The following BRPF1 variants were observed in gnomAD, a reference collection of about 807,000 sequenced individuals.
BRPF1 encodes peregrin.
BRPF1 carries 15 observed loss-of-function variants against 115.0 expected under a neutral mutation model. That is an observed-to-expected ratio of 0.13 (90% CI 0.09 to 0.20). BRPF1 has a LOEUF of 0.20. Among genes scored for constraint, BRPF1 ranks in the 10% least tolerant of loss-of-function variants. The pLI is 1.00. For missense variants in BRPF1, 1,118 were observed against 1,638.3 expected, an observed-to-expected ratio of 0.68 and a Z score of 5.48; for synonymous variants, 647 against 619.8, an observed-to-expected ratio of 1.04 and a Z score of -0.65.
intron 6 of BRPF1, 48 bp from the exon 7 acceptor site, chr3:9,742,896 A>G (rs1473837890): frequency 1.3e-6 from 2 of 1,579,032 alleles, no homozygotes; most frequent in Non-Finnish European, 1.7e-6. Context: ...GGTTCGGGGC[A>G]ATAAGGAGGA....
chr3:9,737,731 C>T (rs991958010), intron 2 of BRPF1, among the ~76,000 whole-genome samples: 4 of 152,178 alleles, frequency 2.6e-5, no homozygotes, highest in African/African-American at 9.6e-5. Flanking sequence ...TCACACATGA[C>T]TTAGTGGTTA....
rs746128203 is a variant in BRPF1, at chr3:9,739,446, C to T, written c.1047C>T (p.Ala349=). 5 of 1,613,996 alleles carry T rather than the reference C, an allele frequency of 3.1e-6. No individual in the cohort carries two copies. Among genetic ancestry groups the T allele is most frequent in the Non-Finnish European group, 4.2e-6 (5 of 1,180,006 alleles). ...AFKQTDDGRW[A]HVVCALWIPE... is the part of the protein sequence containing the mutation. ...AGCAGACAGATGACGGGCGCTGGGC[C>T]CATGTGGTGTGTGCCTTGTGGATCC... The change falls in exon 3 of 14, where the codon GCC becomes GCT. Residue 349 remains alanine (A), a synonymous_variant. Coordinates refer to ENST00000383829, the MANE Select transcript of BRPF1 (RefSeq NM_001003694.2).
Position 9,743,822 on chromosome 3 carries a change from A to T in BRPF1, c.2556A>T (p.Thr852=). The T allele has an allele frequency of 6.2e-7, 1 of 1,609,156 alleles. No homozygotes were observed. The highest frequency in any genetic ancestry group is 8.5e-7 in the Non-Finnish European group (1 of 1,175,994). The change falls in exon 8 of 14, where the codon ACA becomes ACT. Residue 852 remains threonine, a synonymous_variant. Coordinates refer to ENST00000383829, the MANE Select transcript of BRPF1 (RefSeq NM_001003694.2). The surrounding 1 kb of genome is among the most constrained non-coding windows in gnomAD (Gnocchi z 6.1). The part of the protein sequence containing the change: ...RHGPSSRGSL[T]PHPAACDKDG... ...GCCCCTCGAGCCGGGGTAGTCTGAC[A>T]CCCCACCCGGCAGCCTGTGACAAGG...
intron 9 of BRPF1, among the ~76,000 whole-genome samples, chr3:9,744,751 C>T (rs2077093916): frequency 6.6e-6 from 1 of 152,224 alleles, no homozygotes; most frequent in Non-Finnish European, 1.5e-5. Context: ...TTTCTCTTCT[C>T]ACCTTCCTTG....
rs774820384 is a variant in BRPF1, at chr3:9,734,286, A to C, written c.146A>C (p.Asn49Thr). Residue 49 changes from asparagine to threonine, a missense_variant, in exon 2 of 14, where the codon AAC becomes ACC. Physicochemically the swap from Asn to Thr is moderately conservative, Grantham distance 65 (BLOSUM62 0). Coordinates refer to ENST00000383829, the MANE Select transcript of BRPF1 (RefSeq NM_001003694.2). The surrounding 1 kb of genome is among the most constrained non-coding windows in gnomAD (Gnocchi z 5.7). ...CACCTGTACCACTATGACCACGACA[A>C]CCCACCACCCCCACAACAAACTCCA... ...EYHLYHYDHDNPPPPQQTPLR... is the reference protein window; with the variant it reads ...EYHLYHYDHDTPPPPQQTPLR... 3.1e-6 allele frequency: 5 copies of C among 1,613,978 alleles called. No homozygotes were observed. The highest frequency in any genetic ancestry group is 4.2e-6 in the Non-Finnish European group (5 of 1,180,010).
At chr3:9,735,017 C>CTTTTTT (rs781439048) in intron 2 of BRPF1, among the ~76,000 whole-genome samples, 3 of 120,200 alleles carry the variant, frequency 2.5e-5, no homozygotes, top group African/African-American at 6.6e-5. Context: ...CAGATTTATC[C>CTTTTTT]TTTTTTTTTT....
At chr3:9,741,243 CTT>C in intron 4 of BRPF1, 63 bp from the exon 5 acceptor site, 1 of 1,513,696 alleles carries the variant, frequency 6.6e-7, no homozygotes, top group Non-Finnish European at 8.8e-7. Flanking sequence ...CCTGGGCTCT[CTT>C]CTCCCTGTTG....
At chr3:9,744,770 C>G (rs186649946) in intron 9 of BRPF1, among the ~76,000 whole-genome samples, 124 of 152,328 alleles carry the variant, frequency 8.1e-4, no homozygotes, top group Middle Eastern at 3.4e-3. Context: ...TGGGGATCTC[C>G]TGCCCTTTAA....
chr3:9,733,046 G>A (rs1383819254), intron 1 of BRPF1: 4 of 152,256 alleles, frequency 2.6e-5, no homozygotes, highest in Admixed American at 6.5e-5. Context: ...TGTCGCGTTC[G>A]TGTTTGTACC....
chr3:9,741,314 T>G lies in BRPF1; in HGVS notation c.1729T>G (p.Ser577Ala). The G allele has an allele frequency of 6.3e-7, 1 of 1,576,130 alleles. No homozygotes were observed. The highest frequency in any genetic ancestry group is 8.6e-7 in the Non-Finnish European group (1 of 1,157,326). Residue 577 changes from serine (S) to alanine (A), a missense_variant, in exon 5 of 14, where the codon TCT (serine) becomes GCT (alanine). Coordinates refer to ENST00000383829, the MANE Select transcript of BRPF1 (RefSeq NM_001003694.2). ...CTTCGTTTTGCCTCTACAGAGAGAT[T>G]CTGAGGATAAGAACTGGGCCCTTAA... ...QRNCDQVGRD[S>A]EDKNWALKEQ...
chr3:9,741,410 C>G lies in BRPF1; in HGVS notation c.1825C>G (p.Arg609Gly). 1 of 1,604,580 alleles carries G rather than the reference C, an allele frequency of 6.2e-7. No individual in the cohort carries two copies. Among genetic ancestry groups the G allele is most frequent in the Non-Finnish European group, 8.5e-7 (1 of 1,173,880 alleles). Residue 609 changes from arginine to glycine, a missense_variant, in exon 5 of 14, where the codon CGC (arginine) becomes GGC (glycine). Physicochemically the swap from Arg to Gly is moderately radical, Grantham distance 125. Coordinates refer to ENST00000383829, the MANE Select transcript of BRPF1 (RefSeq NM_001003694.2). The part of the protein sequence containing the change: ...ERARLLVELI[R>G]KREKLKRETI... Reference sequence around the variant, plus strand: ...AGCTCGGCTGCTCGTGGAATTGATCCGCAAGCGGGAAAAACTCAAAAGGGA... The same window carrying G: ...AGCTCGGCTGCTCGTGGAATTGATCGGCAAGCGGGAAAAACTCAAAAGGGA...
intron 2 of BRPF1, among the ~76,000 whole-genome samples, chr3:9,736,004 ATTTT>A (rs34061910): frequency 3.4e-5 from 3 of 89,274 alleles, no homozygotes; most frequent in Admixed American, 2.7e-4. Flanking sequence ...TTAAACCTCC[ATTTT>A]TTTTTTTTTT....
At chr3:9,732,655 T>C (rs926630455) in intron 1 of BRPF1, 5 of 152,236 alleles carry the variant, frequency 3.3e-5, no homozygotes, top group Non-Finnish European at 5.9e-5. Context: ...TGTTTGTGCT[T>C]CGGTTGGTTT....
At position 9,745,681 on chromosome 3, in the gene BRPF1, G is replaced by A; in HGVS notation, c.3177G>A (p.Val1059=). Residue 1059 remains valine, a synonymous_variant, in exon 11 of 14, where the codon GTG becomes GTA. Transcript: ENST00000383829. The surrounding 1 kb of genome is among the most constrained non-coding windows in gnomAD (Gnocchi z 5.1). ...TSGTENEAYS[V]GTGRGVGHSM... is the part of the protein sequence containing the mutation. ...GCACTGAGAATGAGGCCTACTCCGT[G>A]GGCACTGGCCGCGGCGTGGGCCACA... 6.2e-7 allele frequency: 1 copy of A among 1,614,242 alleles called. No homozygotes were observed. Among genetic ancestry groups the A allele is most frequent in the Non-Finnish European group, 8.5e-7 (1 of 1,180,040 alleles).
chr3:9,737,693 G>A (rs1212096113), intron 2 of BRPF1, among the ~76,000 whole-genome samples: 1 of 152,204 alleles, frequency 6.6e-6, no homozygotes, highest in African/African-American at 2.4e-5. Flanking sequence ...AAAGATAAAT[G>A]TACATATTTG....
intron 2 of BRPF1, among the ~76,000 whole-genome samples, chr3:9,736,578 C>A (rs1039429559): frequency 6.6e-6 from 1 of 152,190 alleles, no homozygotes; most frequent in East Asian, 1.9e-4. Flanking sequence ...TCTGCTCTAA[C>A]AGGCAGCCCA....
intron 2 of BRPF1, among the ~76,000 whole-genome samples, chr3:9,738,652 T>C (rs2076980729): frequency 6.6e-6 from 1 of 152,170 alleles, no homozygotes; most frequent in Non-Finnish European, 1.5e-5. Context: ...CCTTCCTCCT[T>C]TTAGAGGAGG....
chr3:9,737,832 G>T (rs1177004646), intron 2 of BRPF1, among the ~76,000 whole-genome samples: 2 of 152,164 alleles, frequency 1.3e-5, no homozygotes, highest in Non-Finnish European at 1.5e-5. Context: ...ACTGGGCAAG[G>T]TAGTATATAA....
In BRPF1 at chr3:9,746,570, GGGGA is replaced by G. The variant is rs1294650992; in HGVS notation, c.3479+121_3479+124del. 5 of 1,283,496 alleles carry G rather than the reference GGGGA, an allele frequency of 3.9e-6. No homozygotes were observed. In the East Asian group the frequency reaches 1.0e-4, roughly 27 times the overall value. The allele number at this position is 1,283,496 out of a possible 1,614,324, so 79.5% of individuals were successfully genotyped here. A position where few individuals can be genotyped will look rare whatever the true frequency, so the allele number is the denominator to read the frequency against. Reference sequence around the variant, plus strand: ...CAGACTGGGCTATCACAAGTCAGTGGGGGAGGGACTTAGAACAGTTTTTTGAGCG... The same window carrying G: ...CAGACTGGGCTATCACAAGTCAGTGGGGGACTTAGAACAGTTTTTTGAGCG... On this transcript the variant is annotated intron_variant, in intron 13 of 13. Transcript: ENST00000383829.
Sources: allele counts gnomAD v4.1 joint callset (sites outside exome capture counted in the v4.1 genomes callset), GRCh38; gene constraint gnomAD v4.1.1; non-coding constraint Gnocchi (gnomAD v3.1); transcripts MANE v1.5; gene names NCBI Gene and HGNC (gene_info 2026-07-23, HGNC 2026-07-21).